POM121C: variants seen among roughly 807,000 people sequenced by gnomAD.
POM121C encodes the protein POM121 transmembrane nucleoporin C.
POM121C carries 20 observed loss-of-function variants against 66.4 expected under a neutral mutation model. The observed-to-expected ratio is 0.30, with a 90% CI of 0.21 to 0.44. The LOEUF is 0.44. POM121C is among the 20% of genes least tolerant of loss of function. The pLI is 1.00. For synonymous variants in POM121C, 286 were observed against 528.0 expected, an observed-to-expected ratio of 0.54 and a Z score of 6.28; for missense variants, 580 against 1,225.7, an observed-to-expected ratio of 0.47 and a Z score of 7.87.
chr7:75,461,587 G>A (rs1791442994), intron 3 of POM121C, among the ~76,000 whole-genome samples: 1 of 151,970 alleles, frequency 6.6e-6, no homozygotes, highest in African/African-American at 2.4e-5. Context: ...GCTAATTTTT[G>A]TGTTTTTCAG....
At chr7:75,449,510 G>A (rs1245827556) in intron 3 of POM121C, among the ~76,000 whole-genome samples, 10 of 152,004 alleles carry the variant, frequency 6.6e-5, no homozygotes, top group Admixed American at 3.3e-4. Flanking sequence ...GACTATAGGC[G>A]CCCGCTGCCA....
chr7:75,455,285 C>T (rs1791167988), intron 3 of POM121C, among the ~76,000 whole-genome samples: 1 of 152,278 alleles, frequency 6.6e-6, no homozygotes, highest in Non-Finnish European at 1.5e-5. Flanking sequence ...CTTGACGCAC[C>T]TTGGGAAAAC....
chr7:75,434,782 C>T (rs1790342157), intron 7 of POM121C, among the ~76,000 whole-genome samples: 2 of 151,816 alleles, frequency 1.3e-5, no homozygotes, highest in Non-Finnish European at 2.9e-5. Flanking sequence ...AGGATTTCAC[C>T]ATGTTGGCCA....
chr7:75,467,683 A>T (rs2116502928), intron 3 of POM121C, among the ~76,000 whole-genome samples: 1 of 152,224 alleles, frequency 6.6e-6, no homozygotes, highest in East Asian at 1.9e-4. Flanking sequence ...ACTTTATTCA[A>T]ATACACATTT....
chr7:75,467,269 C>T (rs1458767993), intron 3 of POM121C, among the ~76,000 whole-genome samples: 5 of 152,208 alleles, frequency 3.3e-5, no homozygotes, highest in East Asian at 3.9e-4. Context: ...TGGTGGCTCA[C>T]GCCTGTAATC....
chr7:75,431,183 A>G (rs587771898), intron 7 of POM121C, among the ~76,000 whole-genome samples: 107 of 152,226 alleles, frequency 7.0e-4, no homozygotes, highest in Non-Finnish European at 1.9e-4. Context: ...GTAATCAGGG[A>G]AATGCAAATT....
chr7:75,483,863 G>A (rs1289287846), intron 1 of POM121C, among the ~76,000 whole-genome samples: 1 of 152,092 alleles, frequency 6.6e-6, no homozygotes. Flanking sequence ...CACTTTGGGA[G>A]GCTGAGGCGG....
chr7:75,472,474 CT>C (rs1363031481), intron 3 of POM121C, among the ~76,000 whole-genome samples: 1 of 151,908 alleles, frequency 6.6e-6, no homozygotes, highest in Admixed American at 6.6e-5. Context: ...GATTGTGCCA[CT>C]GCACTCCAGC....
At position 75,447,000 on chromosome 7, in the gene POM121C, T is replaced by A. The variant is rs1291696291; in HGVS notation, c.-151-5353A>T. On this transcript the variant is annotated intron_variant, in intron 3 of 14. Transcript: ENST00000615331. ...TCCAGCCTGGGCAACAGAGCGAGAC[T>A]CCGTCTCAAAAAAAAAAAAAAAAAA... Among the ~76,000 whole-genome samples, 68 of 78,936 alleles carry A rather than the reference T, an allele frequency of 8.6e-4. 1 individual carries two copies. The highest frequency in any genetic ancestry group is 4.9e-3 in the Admixed American group (21 of 4,300). The allele number at this position is 78,936 out of a possible 152,430, so 51.8% of individuals were successfully genotyped here. A position where few individuals can be genotyped will look rare whatever the true frequency, so the allele number is the denominator to read the frequency against.
At chr7:75,467,320 A>T (rs1307392127) in intron 3 of POM121C, among the ~76,000 whole-genome samples, 1 of 151,988 alleles carries the variant, frequency 6.6e-6, no homozygotes, top group Non-Finnish European at 1.5e-5. Flanking sequence ...TCACGAGGTC[A>T]GGAGATTGAG....
At position 75,441,395 on chromosome 7, in the gene POM121C, C is replaced by T. The variant is rs782634709; in HGVS notation, c.65+37G>A. On this transcript the variant is annotated intron_variant, in intron 4 of 14. Transcript: ENST00000615331. The stretch of plus-strand genomic sequence containing the variant: ...CAACTGGAGAAGAATAAAGTGGACA[C>T]GAAAAGGGAGAGTATTCTTCCAACG... The T allele has an allele frequency of 4.4e-5, 71 of 1,605,534 alleles. 1 individual carries two copies. The South Asian group carries it at 4.8e-4, about 11-fold the overall frequency.
chr7:75,452,091 G>A (rs1554475618), intron 3 of POM121C, among the ~76,000 whole-genome samples: 1 of 152,206 alleles, frequency 6.6e-6, no homozygotes, highest in Non-Finnish European at 1.5e-5. Flanking sequence ...TTGAACCCAG[G>A]AGGAGGAGGT....
In POM121C at chr7:75,418,086, G is replaced by GCT. The variant is rs1563134613; in HGVS notation, c.*708_*709dup. On this transcript the variant is annotated 3_prime_UTR_variant, in exon 15 of 15. Transcript: ENST00000615331. ...CCAAGAGCTTCTCCCTTCACCCCTG[G>GCT]CTCTGCCAGGCTAACAGTCTTGAGC... is the stretch of plus-strand genomic sequence containing the variant. 3.8e-6 allele frequency: 2 copies of GCT among 528,634 alleles called. No homozygotes were observed. The highest frequency in any genetic ancestry group is 4.7e-6 in the Non-Finnish European group (2 of 421,634). 32.7% of individuals were successfully genotyped at this position (528,634 alleles called of 1,614,324 possible). A position where few individuals can be genotyped will look rare whatever the true frequency, so the allele number is the denominator to read the frequency against.
chr7:75,434,604 A>G lies in POM121C; in HGVS notation c.480+2911T>C, dbSNP rs180783792. Among the ~76,000 whole-genome samples, 18 of 131,948 alleles carry G rather than the reference A, an allele frequency of 1.4e-4. No individual in the cohort carries two copies. In the East Asian group the frequency reaches 2.0e-3, roughly 15 times the overall value. 86.6% of individuals were successfully genotyped at this position (131,948 alleles called of 152,430 possible). A position where few individuals can be genotyped will look rare whatever the true frequency, so the allele number is the denominator to read the frequency against. ...TAGCTTTTTTTTTTTTTTTTTTGAG[A>G]CAGAGTCTCACTATGTTGCCCAGGC... On this transcript the variant is annotated intron_variant, in intron 7 of 14. Coordinates refer to ENST00000615331, the MANE Select transcript of POM121C (RefSeq NM_001099415.3).
intron 13 of POM121C, 53 bp from the exon 14 acceptor site, chr7:75,419,495 G>A (rs1351937261): frequency 5.4e-5 from 87 of 1,598,108 alleles, no homozygotes; most frequent in Non-Finnish European, 7.3e-5. Flanking sequence ...GGAGGCAGGC[G>A]AGGAGCCGGG....
intron 6 of POM121C, among the ~76,000 whole-genome samples, chr7:75,438,342 CA>C (rs1486874485): frequency 5.3e-5 from 8 of 152,336 alleles, no homozygotes; most frequent in African/African-American, 1.9e-4. Flanking sequence ...TCAAACAGAG[CA>C]AGTTATTTCG....
At chr7:75,463,576 T>A (rs1791522556) in intron 3 of POM121C, among the ~76,000 whole-genome samples, 1 of 151,424 alleles carries the variant, frequency 6.6e-6, no homozygotes. Flanking sequence ...AAGACACACT[T>A]TGCAAAAATG....
intron 1 of POM121C, among the ~76,000 whole-genome samples, chr7:75,479,633 A>G (rs1471990407): frequency 1.2e-4 from 18 of 147,662 alleles, no homozygotes; most frequent in Non-Finnish European, 4.5e-5. Context: ...ATAAATAAAT[A>G]AATAAATAAA....
At chr7:75,464,856 C>CAAA (rs35562594) in intron 3 of POM121C, among the ~76,000 whole-genome samples, 5 of 28,782 alleles carry the variant, frequency 1.7e-4, no homozygotes, top group East Asian at 1.6e-3. Context: ...AACTCCATCT[C>CAAA]AAAAAAAAAA....
Sources: allele counts gnomAD v4.1 joint callset (sites outside exome capture counted in the v4.1 genomes callset), GRCh38; gene constraint gnomAD v4.1.1; transcripts MANE v1.5; gene names NCBI Gene and HGNC (gene_info 2026-07-23, HGNC 2026-07-21).